DPYD: variants seen among roughly 807,000 people sequenced by gnomAD.
DPYD encodes dihydropyrimidine dehydrogenase, also known as dihydropyrimidine dehydrogenase [NADP(+)].
A neutral mutation model predicts 116.2 loss-of-function variants in DPYD; 109 were observed. That is an observed-to-expected ratio of 0.94 (90% CI 0.80 to 1.10). The LOEUF (loss-of-function observed/expected upper bound fraction) is 1.10. DPYD is among the 50% of genes least tolerant of loss of function. The pLI, the probability that DPYD is intolerant of heterozygous loss-of-function variation, is 0.00. For missense variants in DPYD, 1,302 were observed against 1,254.5 expected (o/e 1.04, Z -0.57); for synonymous variants, 440 against 432.0 (o/e 1.02, Z -0.23).
rs1648188547 is a variant in DPYD at position 97,515,890 on chromosome 1, T to C, written c.1576A>G (p.Thr526Ala). 2 of 1,612,398 alleles carry C rather than the reference T, an allele frequency of 1.2e-6. No homozygotes were observed. Among genetic ancestry groups the C allele is most frequent in the African/African-American group, 1.3e-5 (1 of 74,694 alleles). The change falls in exon 13 of 23, where the codon ACT becomes GCT. Residue 526 changes from threonine (T) to alanine (A), a missense_variant. Coordinates refer to ENST00000370192, the MANE Select transcript of DPYD (RefSeq NM_000110.4). ...CTAATGTCCACCAGATCAATAGGAG[T>C]GTAAAAGAGGGGTAGTTCAGGCTTG... ...SAKPELPLFY[T>A]PIDLVDISVE...
intron 13 of DPYD, chr1:97,514,104 T>C (rs1373939201): frequency 2.7e-6 from 2 of 738,158 alleles, no homozygotes; most frequent in East Asian, 1.3e-4. Flanking sequence ...ACTCCCCTTT[T>C]GAACCAGCAT....
intron 14 of DPYD, among the ~76,000 whole-genome samples, chr1:97,441,735 T>C (rs1469241685): frequency 3.9e-5 from 6 of 152,196 alleles, no homozygotes; most frequent in Non-Finnish European, 8.8e-5. Context: ...TAATTTTTTA[T>C]TGAATGCTGG....
intron 16 of DPYD, among the ~76,000 whole-genome samples, chr1:97,364,496 T>C (rs781349564): frequency 6.6e-6 from 1 of 152,148 alleles, no homozygotes; most frequent in Non-Finnish European, 1.5e-5. Flanking sequence ...GACAGTAAAA[T>C]TGTAATTCAT....
intron 18 of DPYD, among the ~76,000 whole-genome samples, chr1:97,259,075 G>T (rs957796279): frequency 2.0e-5 from 3 of 152,068 alleles, no homozygotes; most frequent in South Asian, 2.1e-4. Flanking sequence ...GTAAATACCT[G>T]AGGCTAACTG....
At chr1:97,775,716 A>C (rs1666363896) in intron 3 of DPYD, among the ~76,000 whole-genome samples, 1 of 152,100 alleles carries the variant, frequency 6.6e-6, no homozygotes, top group Admixed American at 6.6e-5. Context: ...TCAGGATGTC[A>C]TCTTTGTGAG....
intron 13 of DPYD, among the ~76,000 whole-genome samples, chr1:97,482,751 A>G (rs1163392904): frequency 6.6e-6 from 1 of 151,578 alleles, no homozygotes; most frequent in African/African-American, 2.4e-5. Context: ...CAGAGAAAGC[A>G]CTCCCACCCC....
chr1:97,584,655 T>C (rs1424070935), intron 10 of DPYD, among the ~76,000 whole-genome samples: 1 of 151,654 alleles, frequency 6.6e-6, no homozygotes, highest in African/African-American at 2.4e-5. Flanking sequence ...TGCAGGGACA[T>C]GGATGAAGCT....
At chr1:97,150,830 T>C (rs1159496284) in intron 20 of DPYD, among the ~76,000 whole-genome samples, 2 of 152,230 alleles carry the variant, frequency 1.3e-5, no homozygotes, top group Non-Finnish European at 2.9e-5. Flanking sequence ...TAAGGCTGTT[T>C]ATAAGAAACT....
chr1:97,383,430 T>C (rs1284191071), intron 14 of DPYD, among the ~76,000 whole-genome samples: 2 of 146,836 alleles, frequency 1.4e-5, no homozygotes, highest in Non-Finnish European at 3.0e-5. Context: ...GAGCCAAGAT[T>C]GCACCACTGC....
At chr1:97,245,879 C>T (rs1363449038) in intron 18 of DPYD, among the ~76,000 whole-genome samples, 2 of 152,116 alleles carry the variant, frequency 1.3e-5, no homozygotes, top group Non-Finnish European at 2.9e-5. Flanking sequence ...AAAACCATTC[C>T]TTTCACTCTC....
chr1:97,292,019 G>T (rs945581414), intron 18 of DPYD, among the ~76,000 whole-genome samples: 6 of 152,038 alleles, frequency 3.9e-5, no homozygotes, highest in African/African-American at 1.4e-4. Flanking sequence ...CCCCACATTA[G>T]GTTTTATTTT....
rs533240424 is a variant in DPYD at position 97,799,955 on chromosome 1, C to T, written c.233+28159G>A. On this transcript the variant is annotated intron_variant, in intron 3 of 22. Transcript: ENST00000370192. Reference sequence around the variant, plus strand: ...AACCTCCCATTTCACTTGTTCAATTCCCCCATTAGTAGTGATATTTATGCT... The same window carrying T: ...AACCTCCCATTTCACTTGTTCAATTTCCCCATTAGTAGTGATATTTATGCT... Among the ~76,000 whole-genome samples the T allele has an allele frequency of 6.6e-5, 10 of 151,982 alleles. No individual in the cohort carries two copies. In the South Asian group the frequency reaches 2.1e-3, roughly 32 times the overall value.
At chr1:97,104,555 G>T (rs1225149507) in intron 20 of DPYD, among the ~76,000 whole-genome samples, 1 of 152,052 alleles carries the variant, frequency 6.6e-6, no homozygotes, top group Non-Finnish European at 1.5e-5. Flanking sequence ...TCTAACGCAG[G>T]CTGAGGGGTC....
intron 1 of DPYD, among the ~76,000 whole-genome samples, chr1:97,905,999 CAT>C (rs1424164401): frequency 6.6e-6 from 1 of 151,730 alleles, no homozygotes; most frequent in East Asian, 1.9e-4. Flanking sequence ...AGACTGGAAA[CAT>C]GTTCTTAAGT....
intron 3 of DPYD, among the ~76,000 whole-genome samples, chr1:97,792,509 C>T (rs1398413269): frequency 6.6e-6 from 1 of 152,134 alleles, no homozygotes; most frequent in Non-Finnish European, 1.5e-5. Context: ...CTCAGCCTCC[C>T]AAACTGCTGG....
intron 11 of DPYD, among the ~76,000 whole-genome samples, chr1:97,557,269 T>C (rs566919964): frequency 6.6e-6 from 1 of 151,814 alleles, no homozygotes; most frequent in South Asian, 2.1e-4. Context: ...CTTTGTCAGA[T>C]GAGTAGGTTG....
intron 15 of DPYD, among the ~76,000 whole-genome samples, chr1:97,378,824 A>C (rs1671777335): frequency 6.6e-6 from 1 of 152,172 alleles, no homozygotes; most frequent in Admixed American, 6.5e-5. Context: ...GGACAGAGGA[A>C]CTATTAGTAG....
chr1:97,158,329 T>A (rs950026509), intron 20 of DPYD, among the ~76,000 whole-genome samples: 1 of 152,028 alleles, frequency 6.6e-6, no homozygotes, highest in African/African-American at 2.4e-5. Context: ...TAGTTTGCAA[T>A]ATGAAAAAGT....
At chr1:97,136,073 A>G (rs905209788) in intron 20 of DPYD, among the ~76,000 whole-genome samples, 1 of 152,176 alleles carries the variant, frequency 6.6e-6, no homozygotes, top group Non-Finnish European at 1.5e-5. Flanking sequence ...GAGTCAATAT[A>G]ACGTTAAGAC....
Sources: gnomAD v4.1 joint callset for allele counts (sites outside exome capture counted in the v4.1 genomes callset) on GRCh38, gnomAD v4.1.1 for gene constraint, MANE v1.5 for transcripts, NCBI Gene and HGNC (gene_info 2026-07-23, HGNC 2026-07-21) for gene names.